ADGRL3: variants seen among roughly 807,000 people sequenced by gnomAD.
ADGRL3 encodes the protein calcium-independent alpha-latrotoxin receptor 3.
ADGRL3 carries 62 observed loss-of-function variants against 153.5 expected under a neutral mutation model. That is an observed-to-expected ratio of 0.40 (90% confidence interval 0.33 to 0.50). The LOEUF is 0.50. ADGRL3 is among the 20% of genes least tolerant of loss of function. The probability of loss-of-function intolerance (pLI) is 0.47; values close to 1 mark genes in which losing one functional copy is unlikely to be tolerated. For missense variants in ADGRL3, 1,641 were observed against 1,859.4 expected, an observed-to-expected ratio of 0.88 and a Z score of 2.16; for synonymous variants, 710 against 672.5, an observed-to-expected ratio of 1.06 and a Z score of -0.86.
chr4:61,654,699 C>G (rs1346101574), intron 5 of ADGRL3, among the ~76,000 whole-genome samples: 1 of 152,060 alleles, frequency 6.6e-6, no homozygotes, highest in Non-Finnish European at 1.5e-5. Context: ...GAGTTCAAAA[C>G]CAGCCCAGCC....
intron 5 of ADGRL3, among the ~76,000 whole-genome samples, chr4:61,629,402 T>C (rs1387166842): frequency 3.3e-5 from 5 of 151,912 alleles, no homozygotes. Flanking sequence ...AGTTGTTCTA[T>C]ATGGTTTTTC....
At chr4:61,706,208 T>A (rs1029716077) in intron 6 of ADGRL3, among the ~76,000 whole-genome samples, 15 of 151,948 alleles carry the variant, frequency 9.9e-5, no homozygotes, top group African/African-American at 3.6e-4. Flanking sequence ...GATCACAAGG[T>A]CAGGAGTTCG....
rs954310342 is a variant in ADGRL3 at position 61,971,418 on chromosome 4, T to C, written c.2806-8145T>C. Among the ~76,000 whole-genome samples the C allele has an allele frequency of 2.6e-5, 4 of 152,312 alleles. No homozygotes were observed. In the East Asian group the frequency reaches 5.8e-4, roughly 22 times the overall value. On this transcript the variant is annotated intron_variant, in intron 17 of 26. Transcript: ENST00000683033. ...TGAGAACATGTGGTGTTTGGTTTTT[T>C]GTCCTTGCAGTAGTTTACTGAGAAT...
chr4:61,575,806 T>C (rs1252437499), intron 4 of ADGRL3, among the ~76,000 whole-genome samples: 1 of 152,058 alleles, frequency 6.6e-6, no homozygotes, highest in Non-Finnish European at 1.5e-5. Context: ...AGGAAACATA[T>C]GTGTAGAAAT....
chr4:61,656,870 T>C (rs984278310), intron 5 of ADGRL3, among the ~76,000 whole-genome samples: 6 of 152,202 alleles, frequency 3.9e-5, no homozygotes, highest in African/African-American at 1.2e-4. Context: ...TTCAGCTGCT[T>C]AATTTTTCTC....
intron 4 of ADGRL3, among the ~76,000 whole-genome samples, chr4:61,570,271 T>G (rs1405780016): frequency 6.6e-6 from 1 of 152,162 alleles, no homozygotes; most frequent in African/African-American, 2.4e-5. Flanking sequence ...TCCATTTTGA[T>G]AGCATCCTGT....
At chr4:61,760,973 G>C (rs867929346) in intron 8 of ADGRL3, among the ~76,000 whole-genome samples, 1 of 152,220 alleles carries the variant, frequency 6.6e-6, no homozygotes, top group African/African-American at 2.4e-5. Flanking sequence ...AGTGAACCAG[G>C]AGTGCTAATT....
intron 1 of ADGRL3, among the ~76,000 whole-genome samples, chr4:61,299,115 T>C (rs2094502170): frequency 6.6e-6 from 1 of 152,170 alleles, no homozygotes; most frequent in Non-Finnish European, 1.5e-5. Flanking sequence ...TCAACTTGTT[T>C]TCCCCTCCAT....
chr4:61,295,093 T>C (rs1320228308), intron 1 of ADGRL3, among the ~76,000 whole-genome samples: 1 of 152,186 alleles, frequency 6.6e-6, no homozygotes, highest in African/African-American at 2.4e-5. Context: ...CACGTTGTCC[T>C]GCTTTGTCCC....
intron 2 of ADGRL3, among the ~76,000 whole-genome samples, chr4:61,483,644 G>C (rs2098155963): frequency 6.6e-6 from 1 of 152,000 alleles, no homozygotes; most frequent in South Asian, 2.1e-4. Context: ...GGCTGAGGCA[G>C]GATAATTGCT....
intron 4 of ADGRL3, among the ~76,000 whole-genome samples, chr4:61,521,394 G>C (rs1043693699): frequency 6.6e-6 from 1 of 152,150 alleles, no homozygotes; most frequent in Non-Finnish European, 1.5e-5. Flanking sequence ...CAGAGATCTG[G>C]TCAGGAAGAA....
intron 2 of ADGRL3, among the ~76,000 whole-genome samples, chr4:61,414,444 T>G (rs2097124324): frequency 6.6e-6 from 1 of 152,142 alleles, no homozygotes; most frequent in Admixed American, 6.6e-5. Context: ...AAGAATATAC[T>G]GTTGTTATTC....
chr4:61,826,902 G>A lies in ADGRL3; in HGVS notation c.1480+13013G>A, dbSNP rs138350817. Among the ~76,000 whole-genome samples, 1,300 of 134,968 alleles carry A rather than the reference G, an allele frequency of 9.6e-3. 21 individuals are homozygous for A. The highest frequency in any genetic ancestry group is 0.036 in the African/African-American group (1,234 of 34,448). 88.5% of individuals were successfully genotyped at this position (134,968 alleles called of 152,430 possible). ...TGCACGTTGTGCACATGTACCCTAG[G>A]ACTTAAAGTATAATAAAAAAAAAAA... On this transcript the variant is annotated intron_variant, in intron 9 of 26. Transcript: ENST00000683033.
chr4:61,951,948 G>A (rs771592968), intron 17 of ADGRL3, among the ~76,000 whole-genome samples: 40 of 152,146 alleles, frequency 2.6e-4, no homozygotes, highest in African/African-American at 2.2e-4. Flanking sequence ...TGTCTAGGGC[G>A]TAGACAAGGG....
chr4:61,878,520 A>G (rs951232017), intron 9 of ADGRL3, among the ~76,000 whole-genome samples: 1 of 152,306 alleles, frequency 6.6e-6, no homozygotes, highest in Non-Finnish European at 1.5e-5. Context: ...CATTTTTTTG[A>G]ACAAGCTATT....
intron 2 of ADGRL3, among the ~76,000 whole-genome samples, chr4:61,430,150 C>T (rs2097337984): frequency 6.6e-6 from 1 of 152,098 alleles, no homozygotes; most frequent in African/African-American, 2.4e-5. Context: ...GGTAATGTTG[C>T]CTTTCATCAT....
intron 1 of ADGRL3, among the ~76,000 whole-genome samples, chr4:61,236,182 G>C (rs1416696653): frequency 6.6e-6 from 1 of 151,734 alleles, no homozygotes; most frequent in Non-Finnish European, 1.5e-5. Context: ...GCTAATTTTT[G>C]TATTTTTAGT....
rs1467538406 is a variant in ADGRL3 at position 61,714,825 on chromosome 4, CACA to C, written c.584-15796_584-15794del. 2.7e-3 allele frequency among the ~76,000 whole-genome samples: 418 copies of C among 152,228 alleles called. 5 individuals are homozygous for C. Among genetic ancestry groups the C allele is most frequent in the Non-Finnish European group, 3.6e-3 (248 of 68,018 alleles). On this transcript the variant is annotated intron_variant, in intron 6 of 26. Coordinates refer to ENST00000683033, the MANE Select transcript of ADGRL3 (RefSeq NM_001387552.1). Reference sequence around the variant, plus strand: ...CTCTTTTTCTTCATCTCCTTTCCTTCACACTTGTTTCCTGGATTCATCCTCCGG... The same window carrying C: ...CTCTTTTTCTTCATCTCCTTTCCTTCCTTGTTTCCTGGATTCATCCTCCGG...
intron 8 of ADGRL3, among the ~76,000 whole-genome samples, chr4:61,780,811 A>C (rs1457905934): frequency 6.6e-6 from 1 of 152,186 alleles, no homozygotes; most frequent in Non-Finnish European, 1.5e-5. Flanking sequence ...AAAGTAGGGA[A>C]CCAGAGATCT....
Sources: allele counts gnomAD v4.1 joint callset (sites outside exome capture counted in the v4.1 genomes callset), GRCh38; gene constraint gnomAD v4.1.1; transcripts MANE v1.5; gene names NCBI Gene and HGNC (gene_info 2026-07-23, HGNC 2026-07-21).